The following ANAPC1 variants were observed in gnomAD, a reference collection of about 807,000 sequenced individuals.
ANAPC1 encodes anaphase promoting complex subunit 1, also known as anaphase-promoting complex subunit 1.
Under a neutral mutation model 208.0 loss-of-function variants are expected in ANAPC1, and 36 were observed. That is an observed-to-expected ratio of 0.17 (90% CI 0.13 to 0.23). ANAPC1 has a LOEUF of 0.23. ANAPC1 is among the 10% of genes least tolerant of loss of function. The pLI is 1.00. For synonymous variants in ANAPC1, 378 were observed against 695.2 expected (o/e 0.54, Z 7.18); for missense variants, 942 against 2,011.6 (o/e 0.47, Z 10.17).
intron 21 of ANAPC1, among the ~76,000 whole-genome samples, chr2:111,828,635 T>C (rs1487625373): frequency 6.6e-6 from 1 of 152,230 alleles, no homozygotes; most frequent in African/African-American, 2.4e-5. Context: ...GTAATTTTGA[T>C]ACATGCTACA....
intron 26 of ANAPC1, among the ~76,000 whole-genome samples, chr2:111,820,318 A>G (rs1344032392): frequency 6.6e-6 from 1 of 152,262 alleles, no homozygotes; most frequent in Non-Finnish European, 1.5e-5. Flanking sequence ...GCCTACTTTT[A>G]CAAATGAAGC....
chr2:111,837,991 A>G (rs751841092), intron 18 of ANAPC1, among the ~76,000 whole-genome samples: 253 of 150,930 alleles, frequency 1.7e-3, no homozygotes, highest in Non-Finnish European at 2.4e-3. Flanking sequence ...AGGCTGAGGC[A>G]GGAGAACTGC....
At chr2:111,864,006 T>C (rs1682246416) in intron 8 of ANAPC1, 111 bp from the exon 9 acceptor site, 7 of 1,316,780 alleles carry the variant, frequency 5.3e-6, no homozygotes, top group Non-Finnish European at 7.1e-6. Context: ...GACACAGTAT[T>C]TCTTCTTTCC....
chr2:111,775,059 A>G (rs1180081991), intron 46 of ANAPC1, among the ~76,000 whole-genome samples: 1 of 152,200 alleles, frequency 6.6e-6, no homozygotes, highest in African/African-American at 2.4e-5. Context: ...TGAGGTCAGG[A>G]GTTCGAGATC....
chr2:111,806,023 G>C, intron 29 of ANAPC1, 130 bp from the exon 30 acceptor site: 1 of 523,944 alleles, frequency 1.9e-6, no homozygotes, highest in Non-Finnish European at 3.5e-6. Context: ...AGAAAGTTAT[G>C]ACACTATAAT....
chr2:111,801,040 T>C (rs547135537), intron 33 of ANAPC1, among the ~76,000 whole-genome samples, 169 bp from the exon 34 acceptor site: 15 of 152,286 alleles, frequency 9.8e-5, no homozygotes, highest in Non-Finnish European at 1.8e-4. Flanking sequence ...AAACCTATTG[T>C]AAGTTGAAAA....
chr2:111,785,904 C>A (rs553261310), intron 39 of ANAPC1, among the ~76,000 whole-genome samples: 7,222 of 151,104 alleles, frequency 0.048, 428 homozygotes, highest in African/African-American at 0.13. Flanking sequence ...GATGTCAATT[C>A]TTCTCAGACA....
chr2:111,858,564 T>A (rs1281438446), intron 10 of ANAPC1, among the ~76,000 whole-genome samples, 163 bp from the exon 11 acceptor site: 3 of 151,952 alleles, frequency 2.0e-5, no homozygotes, highest in Non-Finnish European at 4.4e-5. Context: ...ATCCAGACTA[T>A]CCTGGCTAAC....
chr2:111,782,536 AG>A (rs749543660), intron 42 of ANAPC1, 29 bp from the exon 43 acceptor site: 1 of 1,612,988 alleles, frequency 6.2e-7, no homozygotes, highest in Non-Finnish European at 8.5e-7. Flanking sequence ...ATTTAATATA[AG>A]GTATTACTGG....
chr2:111,852,287 G>A (rs1271552768), intron 13 of ANAPC1, among the ~76,000 whole-genome samples: 1 of 93,220 alleles, frequency 1.1e-5, no homozygotes, highest in Non-Finnish European at 2.6e-5. Context: ...GAATTCCCTA[G>A]GTTTCTGGTT....
rs2104429153 is a variant in ANAPC1 at position 111,821,231 on chromosome 2, T to G, written c.3206+8A>C. ...ATGACAAGAGATAGTGCACGTGTTTTCTTTCACCTGTTTTCCTTTTCCTCG... is the reference window on the plus strand; with the variant it reads ...ATGACAAGAGATAGTGCACGTGTTTGCTTTCACCTGTTTTCCTTTTCCTCG... On this transcript the variant is annotated splice_region_variant and intron_variant, in intron 26 of 47. Transcript: ENST00000341068. 2 of 1,602,642 alleles carry G rather than the reference T, an allele frequency of 1.2e-6. No homozygotes were observed. The highest frequency in any genetic ancestry group is 1.7e-5 in the Admixed American group (1 of 59,988).
chr2:111,779,211 T>C (rs1206164758), intron 44 of ANAPC1: 1 of 156,652 alleles, frequency 6.4e-6, no homozygotes, highest in Non-Finnish European at 1.4e-5. Context: ...TGACCTGGAG[T>C]GCACAGCCCA....
intron 10 of ANAPC1, among the ~76,000 whole-genome samples, chr2:111,859,018 C>G (rs1165928175): frequency 2.6e-5 from 4 of 152,168 alleles, no homozygotes; most frequent in Non-Finnish European, 4.4e-5. Flanking sequence ...GTAATGCAAA[C>G]TAAGCCACCT....
intron 20 of ANAPC1, among the ~76,000 whole-genome samples, 165 bp from the exon 21 acceptor site, chr2:111,831,599 G>C (rs1680134679): frequency 1.3e-5 from 2 of 151,882 alleles, no homozygotes; most frequent in Non-Finnish European, 2.9e-5. Context: ...CAGTACTTTG[G>C]GAGGCCCAAG....
intron 21 of ANAPC1, among the ~76,000 whole-genome samples, chr2:111,829,339 G>A (rs1307789239): frequency 6.6e-6 from 1 of 152,114 alleles, no homozygotes; most frequent in African/African-American, 2.4e-5. Context: ...GCCATGGGGG[G>A]GACTGTGAAG....
chr2:111,770,429 GT>G (rs1676676252), intron 47 of ANAPC1, among the ~76,000 whole-genome samples: 1 of 143,922 alleles, frequency 6.9e-6, no homozygotes, highest in South Asian at 2.1e-4. Context: ...GGTTTTCTTT[GT>G]ATTTATCCTG....
chr2:111,879,042 T>G, intron 2 of ANAPC1, 71 bp from the exon 3 acceptor site: 2 of 1,526,958 alleles, frequency 1.3e-6, no homozygotes, highest in Non-Finnish European at 8.8e-7. Context: ...GGAACAAAAT[T>G]TATTTGCCCA....
chr2:111,822,939 G>A (rs1384184188), intron 24 of ANAPC1, among the ~76,000 whole-genome samples: 1 of 148,376 alleles, frequency 6.7e-6, no homozygotes, highest in African/African-American at 2.5e-5. Flanking sequence ...AAATATAAAT[G>A]TCAAAGCCAA....
intron 10 of ANAPC1, among the ~76,000 whole-genome samples, chr2:111,860,739 CA>C (rs1450711813): frequency 1.3e-5 from 2 of 151,974 alleles, no homozygotes; most frequent in Admixed American, 1.3e-4. Context: ...TTCCATTCCC[CA>C]AATCTTAAGT....
Sources: allele counts gnomAD v4.1 joint callset (sites outside exome capture counted in the v4.1 genomes callset), GRCh38; gene constraint gnomAD v4.1.1; transcripts MANE v1.5; gene names NCBI Gene and HGNC (gene_info 2026-07-23, HGNC 2026-07-21).